The following CELF5 variants were observed in gnomAD, a reference collection of about 807,000 sequenced individuals.
The protein encoded by CELF5 is CUG-BP and ETR-3 like factor 5.
Under a neutral mutation model 54.9 loss-of-function variants are expected in CELF5, and 6 were observed. The ratio of observed to expected loss-of-function variants is 0.11; its 90% CI spans 0.06 to 0.22. CELF5 has a LOEUF of 0.22. Among genes scored for constraint, CELF5 ranks in the 10% least tolerant of loss-of-function variants. The pLI is 1.00. For synonymous variants in CELF5, 271 were observed against 290.9 expected (o/e 0.93, Z 0.70); for missense variants, 401 against 678.6 (o/e 0.59, Z 4.54).
At chr19:3,259,315 G>A (rs2079775100) in intron 2 of CELF5, among the ~76,000 whole-genome samples, 1 of 152,136 alleles carries the variant, frequency 6.6e-6, no homozygotes, top group South Asian at 2.1e-4. Context: ...GACATTTGTG[G>A]TTGTCACGAC....
intron 5 of CELF5, among the ~76,000 whole-genome samples, chr19:3,279,156 G>C (rs2080107132): frequency 6.6e-6 from 1 of 152,124 alleles, no homozygotes; most frequent in Admixed American, 6.5e-5. Flanking sequence ...GCTGGGGCCA[G>C]GTGGACAGGG....
intron 12 of CELF5, 171 bp downstream of exon 12, chr19:3,293,657 G>A (rs2080389470): frequency 6.8e-6 from 4 of 588,308 alleles, no homozygotes; most frequent in Admixed American, 3.1e-5. Context: ...AGACACCCCC[G>A]ATCCCCCTGT....
At chr19:3,255,598 T>G (rs2079713743) in intron 2 of CELF5, among the ~76,000 whole-genome samples, 1 of 152,016 alleles carries the variant, frequency 6.6e-6, no homozygotes, top group South Asian at 2.1e-4. Flanking sequence ...GCCCTCTCAT[T>G]TGTTGCCTTC....
intron 1 of CELF5, among the ~76,000 whole-genome samples, chr19:3,239,892 C>G (rs919996591): frequency 6.6e-6 from 1 of 152,152 alleles, no homozygotes; most frequent in Admixed American, 6.6e-5. Context: ...CTATGCCCAA[C>G]CCCTGCTCAA....
At chr19:3,291,856 G>GCT (rs1423851087) in intron 11 of CELF5, among the ~76,000 whole-genome samples, 2 of 152,126 alleles carry the variant, frequency 1.3e-5, no homozygotes, top group Non-Finnish European at 1.5e-5. Flanking sequence ...GGACATTAAG[G>GCT]CTCTGAAAAG....
chr19:3,241,958 A>G (rs981207075), intron 1 of CELF5, among the ~76,000 whole-genome samples: 1 of 152,108 alleles, frequency 6.6e-6, no homozygotes, highest in African/African-American at 2.4e-5. Context: ...TGTTTTTAGT[A>G]GAGATGGGGT....
intron 4 of CELF5, among the ~76,000 whole-genome samples, chr19:3,276,810 CG>C (rs1249019231): frequency 2.1e-5 from 1 of 47,610 alleles, no homozygotes; most frequent in Non-Finnish European, 3.8e-5. Context: ...TGGTGGGAGG[CG>C]GGGGGGCTTC....
chr19:3,293,513 G>A (rs143941560), intron 12 of CELF5, 27 bp downstream of exon 12: 25,585 of 1,347,638 alleles, frequency 0.019, 295 homozygotes, highest in Middle Eastern at 0.022. Flanking sequence ...CCCCACCCCC[G>A]CCCAAGCCCC....
chr19:3,252,698 C>T (rs2079668290), intron 2 of CELF5, among the ~76,000 whole-genome samples: 1 of 152,028 alleles, frequency 6.6e-6, no homozygotes, highest in African/African-American at 2.4e-5. Flanking sequence ...CTGGGGGTGG[C>T]CTCTGCTTGG....
At chr19:3,270,663 G>A (rs1213866001) in intron 2 of CELF5, 1 of 151,106 alleles carries the variant, frequency 6.6e-6, no homozygotes, top group Non-Finnish European at 1.5e-5. Context: ...GCGTCTCCAG[G>A]CCGGTGGGTA....
At chr19:3,280,484 A>T (rs2080131053) in intron 5 of CELF5, among the ~76,000 whole-genome samples, 1 of 152,122 alleles carries the variant, frequency 6.6e-6, no homozygotes, top group Non-Finnish European at 1.5e-5. Flanking sequence ...CTGAGGCAGG[A>T]GAATCACTTG....
intron 1 of CELF5, among the ~76,000 whole-genome samples, chr19:3,244,621 T>C (rs2079537379): frequency 6.7e-6 from 1 of 149,114 alleles, no homozygotes; most frequent in South Asian, 2.1e-4. Context: ...TGTCTGCGTG[T>C]GTGTGCGTGT....
In CELF5 at chr19:3,282,238, T is replaced by C; in HGVS notation, c.863T>C (p.Leu288Pro). 6.2e-7 allele frequency: 1 copy of C among 1,613,244 alleles called. No individual in the cohort carries two copies. The highest frequency in any genetic ancestry group is 8.5e-7 in the Non-Finnish European group (1 of 1,180,016). Residue 288 changes from leucine to proline, a missense_variant, in exon 7 of 13, where the codon CTG becomes CCG. Physicochemically the swap from Leu to Pro is moderately conservative, Grantham distance 98 (BLOSUM62 -3). This residue lies in a region of CELF5 where 143 missense variants were observed against 147.6 expected (regional missense o/e 0.97). Transcript: ENST00000292672. This position sits in a 1 kb window ranked among gnomAD's most constrained non-coding sequence, Gnocchi z 5.2. ...QQIGAVSLNG[L>P]PATPIAPASG... ...ATAGGCGCCGTCAGCCTCAACGGGC[T>C]GCCTGCCACACCCATCGCTCCTGCC...
rs111440008 is a variant in CELF5, at chr19:3,252,222, G to A, written c.342+1155G>A. On this transcript the variant is annotated intron_variant, in intron 2 of 12. Coordinates refer to ENST00000292672, the MANE Select transcript of CELF5 (RefSeq NM_021938.4). ...TGGCTAATTTTTTAATTTTTGTAGA[G>A]ACGGGGTCTCATTATATTGCCCGGG... is the stretch of plus-strand genomic sequence containing the variant. Among the ~76,000 whole-genome samples the A allele has an allele frequency of 1.1e-4, 17 of 151,988 alleles. 1 individual carries two copies. Among genetic ancestry groups the A allele is most frequent in the African/African-American group, 3.9e-4 (16 of 41,448 alleles).
At chr19:3,246,398 A>T (rs966437680) in intron 1 of CELF5, among the ~76,000 whole-genome samples, 1 of 147,282 alleles carries the variant, frequency 6.8e-6, no homozygotes, top group African/African-American at 2.5e-5. Context: ...TCTCTCTCTC[A>T]TATGTATATA....
Position 3,287,049 on chromosome 19 carries a change from A to G in CELF5, c.1186+1024A>G, listed in dbSNP as rs868630435. ...GACTCCGTCTCAAAAAAAAAAAAAA[A>G]AAAAGAAAAGAAAAGAAAAAAATCC... On this transcript the variant is annotated intron_variant, in intron 10 of 12. Coordinates refer to ENST00000292672, the MANE Select transcript of CELF5 (RefSeq NM_021938.4). Among the ~76,000 whole-genome samples, 232 of 113,718 alleles carry G rather than the reference A, an allele frequency of 2.0e-3. 2 individuals are homozygous for G. The highest frequency in any genetic ancestry group is 3.9e-3 in the South Asian group (13 of 3,310). The allele number at this position is 113,718 out of a possible 152,430, so 74.6% of individuals were successfully genotyped here.
At chr19:3,266,534 G>A (rs781507613) in intron 2 of CELF5, among the ~76,000 whole-genome samples, 28 of 152,284 alleles carry the variant, frequency 1.8e-4, no homozygotes, top group African/African-American at 2.9e-4. Context: ...ATGCAAATAC[G>A]TCATTTACTC....
At chr19:3,287,177 A>G (rs2080266839) in intron 10 of CELF5, among the ~76,000 whole-genome samples, 1 of 152,078 alleles carries the variant, frequency 6.6e-6, no homozygotes, top group African/African-American at 2.4e-5. Flanking sequence ...AAGGATAAGT[A>G]GCCAATACTC....
chr19:3,284,252 G>A (rs1300040718), intron 8 of CELF5, among the ~76,000 whole-genome samples: 1 of 152,054 alleles, frequency 6.6e-6, no homozygotes, highest in Non-Finnish European at 1.5e-5. Flanking sequence ...ATCTCCCACA[G>A]TGAAGATACA....
Sources: gnomAD v4.1 joint callset for allele counts (sites outside exome capture counted in the v4.1 genomes callset) on GRCh38, gnomAD v4.1.1 for gene constraint, gnomAD v4.1.1 regional missense constraint, Gnocchi (gnomAD v3.1) non-coding constraint, MANE v1.5 for transcripts, NCBI Gene and HGNC (gene_info 2026-07-23, HGNC 2026-07-21) for gene names.